Variants in KHDRBS2 observed in about 807,000 individuals in gnomAD.
KHDRBS2 encodes KH RNA binding domain containing, signal transduction associated 2, also known as KH domain-containing, RNA-binding, signal transduction-associated protein 2.
KHDRBS2 carries 26 observed loss-of-function variants against 44.3 expected under a neutral mutation model. That is an observed-to-expected ratio of 0.59 (90% confidence interval 0.43 to 0.81). The LOEUF (loss-of-function observed/expected upper bound fraction) is 0.81, where lower values mean the gene tolerates loss of function less well. Ranked by LOEUF, KHDRBS2 falls within the 40% of genes least tolerant of loss-of-function variation. The pLI is 0.00. For missense variants in KHDRBS2, 476 were observed against 433.1 expected (o/e 1.10, Z -0.88); for synonymous variants, 194 against 151.1 (o/e 1.28, Z -2.08).
At chr6:61,623,812 G>A in the KHDRBS2 span, among the ~76,000 whole-genome samples, 2 of 152,128 alleles carry the variant, frequency 1.3e-5, no homozygotes, top group Non-Finnish European at 2.9e-5. Flanking sequence ...CTTATGAATA[G>A]GTCAGTTTGA....
At chr6:61,644,407 A>G in the KHDRBS2 span, among the ~76,000 whole-genome samples, 2 of 152,178 alleles carry the variant, frequency 1.3e-5, no homozygotes, top group Non-Finnish European at 2.9e-5. Context: ...CAAACATTTC[A>G]TGAAAAAGAC....
intron 6 of KHDRBS2, among the ~76,000 whole-genome samples, chr6:61,805,969 C>A (rs533395818): frequency 2.5e-4 from 38 of 152,210 alleles, no homozygotes; most frequent in African/African-American, 8.7e-4. Flanking sequence ...CACAGTCACA[C>A]AAGTAATTAG....
At chr6:62,073,420 T>C (rs1033840962) in intron 2 of KHDRBS2, among the ~76,000 whole-genome samples, 2 of 151,654 alleles carry the variant, frequency 1.3e-5, no homozygotes, top group African/African-American at 4.8e-5. Context: ...GTTTCATTTT[T>C]TATTTTAGTA....
chr6:61,963,439 ACT>A (rs1177398367), intron 4 of KHDRBS2, among the ~76,000 whole-genome samples: 1 of 152,068 alleles, frequency 6.6e-6, no homozygotes, highest in African/African-American at 2.4e-5. Flanking sequence ...CTGAACAAGG[ACT>A]ACTTGGCCAA....
intron 6 of KHDRBS2, among the ~76,000 whole-genome samples, chr6:61,881,715 T>C (rs752418230): frequency 2.0e-5 from 3 of 151,990 alleles, no homozygotes; most frequent in Admixed American, 6.6e-5. Flanking sequence ...TGGGAACACC[T>C]GTAATGCTGA....
chr6:61,798,104 C>A (rs1453173134), intron 6 of KHDRBS2, among the ~76,000 whole-genome samples: 1 of 152,034 alleles, frequency 6.6e-6, no homozygotes, highest in Non-Finnish European at 1.5e-5. Context: ...TCACTTATAA[C>A]TGAGAACACG....
chr6:61,955,335 CATAT>C (rs1207152240), intron 4 of KHDRBS2, among the ~76,000 whole-genome samples: 1 of 144,018 alleles, frequency 6.9e-6, no homozygotes, highest in African/African-American at 2.6e-5. Context: ...TATATATACA[CATAT>C]GTATGTATAC....
At chr6:61,542,779 G>A in the KHDRBS2 span, among the ~76,000 whole-genome samples, 1 of 151,810 alleles carries the variant, frequency 6.6e-6, no homozygotes, top group South Asian at 2.1e-4. Flanking sequence ...AGAGGAGGCA[G>A]ATATATATAT....
chr6:61,741,350 C>G (rs1240847435), intron 6 of KHDRBS2, among the ~76,000 whole-genome samples: 1 of 151,836 alleles, frequency 6.6e-6, no homozygotes, highest in Admixed American at 6.6e-5. Context: ...TTGCTTGCAA[C>G]TCAGAAAAGG....
At chr6:61,728,501 T>G (rs1773939282) in intron 7 of KHDRBS2, among the ~76,000 whole-genome samples, 1 of 152,154 alleles carries the variant, frequency 6.6e-6, no homozygotes, top group Admixed American at 6.6e-5. Context: ...CACATATTTG[T>G]TTAGAGTTAT....
intron 4 of KHDRBS2, among the ~76,000 whole-genome samples, chr6:61,932,783 A>G (rs1166449994): frequency 6.6e-6 from 1 of 151,958 alleles, no homozygotes; most frequent in African/African-American, 2.4e-5. Context: ...ACAGAGCAAG[A>G]CTCTGTCTCA....
chr6:62,239,969 G>T (rs1240452118), intron 1 of KHDRBS2, among the ~76,000 whole-genome samples: 3 of 152,094 alleles, frequency 2.0e-5, no homozygotes, highest in East Asian at 1.9e-4. Context: ...ACAGGCATGA[G>T]CCACAGTACC....
the KHDRBS2 span, among the ~76,000 whole-genome samples, chr6:61,585,007 C>G: frequency 6.6e-6 from 1 of 151,616 alleles, no homozygotes; most frequent in Non-Finnish European, 1.5e-5. Context: ...TGTAAATTTT[C>G]TTTGAAACTA....
chr6:62,165,213 T>C (rs1256142525), intron 2 of KHDRBS2, among the ~76,000 whole-genome samples: 1 of 151,444 alleles, frequency 6.6e-6, no homozygotes, highest in Non-Finnish European at 1.5e-5. Flanking sequence ...CTTTATGAAA[T>C]AAAATTGCCC....
At chr6:62,022,321 T>C (rs1026045173) in intron 3 of KHDRBS2, among the ~76,000 whole-genome samples, 1 of 151,748 alleles carries the variant, frequency 6.6e-6, no homozygotes, top group African/African-American at 2.4e-5. Context: ...GCCAATTGCA[T>C]TGGGAATTTA....
At chr6:62,164,459 T>C (rs1269990807) in intron 2 of KHDRBS2, among the ~76,000 whole-genome samples, 3 of 151,908 alleles carry the variant, frequency 2.0e-5, no homozygotes, top group Non-Finnish European at 1.5e-5. Flanking sequence ...TTTTAAAATG[T>C]CTTTATCATT....
At chr6:62,029,622 A>G (rs1783981741) in intron 3 of KHDRBS2, among the ~76,000 whole-genome samples, 1 of 152,000 alleles carries the variant, frequency 6.6e-6, no homozygotes, top group Non-Finnish European at 1.5e-5. Context: ...TACGTAAAAT[A>G]GCTGAGTGAT....
chr6:62,126,170 G>A (rs1808919187), intron 2 of KHDRBS2, among the ~76,000 whole-genome samples: 1 of 152,156 alleles, frequency 6.6e-6, no homozygotes, highest in Non-Finnish European at 1.5e-5. Flanking sequence ...GACTGAAGAG[G>A]CCGTGGGCCT....
At chr6:62,160,863 T>C (rs956461709) in intron 2 of KHDRBS2, among the ~76,000 whole-genome samples, 4 of 152,080 alleles carry the variant, frequency 2.6e-5, no homozygotes, top group African/African-American at 9.7e-5. Flanking sequence ...AAGTATACAG[T>C]GTAGTGGTGT....
Sources: allele counts gnomAD v4.1 joint callset (sites outside exome capture counted in the v4.1 genomes callset), GRCh38; gene constraint gnomAD v4.1.1; transcripts MANE v1.5; gene names NCBI Gene and HGNC (gene_info 2026-07-23, HGNC 2026-07-21).